CD200: variants seen among roughly 807,000 people sequenced by gnomAD.
The protein encoded by CD200 is OX-2 membrane glycoprotein.
A neutral mutation model predicts 30.9 loss-of-function variants in CD200; 15 were observed. The observed-to-expected ratio is 0.49, with a 90% CI of 0.32 to 0.75. The LOEUF is 0.75. Ranked by LOEUF, CD200 falls within the 30% of genes least tolerant of loss-of-function variation. CD200 has a pLI of 0.03. For missense variants in CD200, 262 were observed against 324.2 expected (o/e 0.81, Z 1.47); for synonymous variants, 134 against 126.2 (o/e 1.06, Z -0.41).
upstream of CD200, chr3:112,333,135 C>G: frequency 6.5e-7 from 1 of 1,540,538 alleles, no homozygotes. Flanking sequence ...GCACAGGTGA[C>G]GCTCCTCCCG....
chr3:112,348,588 A>G (rs1394770753), intron 4 of CD200, among the ~76,000 whole-genome samples: 1 of 152,200 alleles, frequency 6.6e-6, no homozygotes, highest in Non-Finnish European at 1.5e-5. Context: ...TGTAGTTTTG[A>G]AGCACTGACT....
rs2081050058 is a variant in CD200, at chr3:112,333,719, T to G, written c.12+495T>G. On this transcript the variant is annotated intron_variant, in intron 1 of 5. Coordinates refer to ENST00000315711, the MANE Select transcript of CD200 (RefSeq NM_005944.7). The stretch of plus-strand genomic sequence containing the variant: ...CTTTCTCCGGGAGAGCTCCTGCGTC[T>G]CCTCTTTGTTATGCAGCCCCTTTCT... 3.0e-6 allele frequency: 3 copies of G among 985,308 alleles called. No homozygotes were observed. The South Asian group carries it at 1.4e-4, about 46-fold the overall frequency. 61.0% of individuals were successfully genotyped at this position (985,308 alleles called of 1,614,324 possible).
At position 112,349,714 on chromosome 3, in the gene CD200, T is replaced by C; in HGVS notation, c.697T>C (p.Tyr233His). 2 of 1,611,894 alleles carry C rather than the reference T, an allele frequency of 1.2e-6. No individual in the cohort carries two copies. Among genetic ancestry groups the C allele is most frequent in the Non-Finnish European group, 1.7e-6 (2 of 1,178,928 alleles). Reference sequence around the variant, plus strand: ...TTTTCTTTCTTCAATATCTATAGGCTATTGGTTTTCAGTTCCGCTATTGCT... The same window carrying C: ...TTTTCTTTCTTCAATATCTATAGGCCATTGGTTTTCAGTTCCGCTATTGCT... ...TDFKQTVNKG[Y>H]WFSVPLLLSI... Residue 233 changes from tyrosine (Y) to histidine (H), a missense_variant and splice_region_variant, in exon 5 of 6, where the codon TAT becomes CAT. Coordinates refer to ENST00000315711, the MANE Select transcript of CD200 (RefSeq NM_005944.7).
intron 5 of CD200, among the ~76,000 whole-genome samples, chr3:112,353,357 T>A (rs953848007): frequency 6.6e-6 from 1 of 152,154 alleles, no homozygotes; most frequent in Non-Finnish European, 1.5e-5. Context: ...TGGAGAACAA[T>A]AGAAAATTTA....
At chr3:112,360,636 G>A (rs1192640785) in intron 5 of CD200, among the ~76,000 whole-genome samples, 1 of 152,192 alleles carries the variant, frequency 6.6e-6, no homozygotes, top group African/African-American at 2.4e-5. Context: ...GATATCTGAT[G>A]TTAGAAATAT....
chr3:112,357,738 G>A (rs2081654399), intron 5 of CD200, among the ~76,000 whole-genome samples: 3 of 152,058 alleles, frequency 2.0e-5, no homozygotes, highest in South Asian at 2.1e-4. Context: ...GTCATCAATA[G>A]GTTCTTGGAA....
chr3:112,343,819 T>C (rs2081323770), intron 2 of CD200, among the ~76,000 whole-genome samples: 1 of 152,206 alleles, frequency 6.6e-6, no homozygotes, highest in South Asian at 2.1e-4. Context: ...TTTTGAAAAA[T>C]ACTTTTTCCC....
At chr3:112,346,588 C>G (rs1414747455) in intron 3 of CD200, among the ~76,000 whole-genome samples, 1 of 152,136 alleles carries the variant, frequency 6.6e-6, no homozygotes, top group Non-Finnish European at 1.5e-5. Flanking sequence ...ATTTCTATTT[C>G]CCTTCTTCCA....
chr3:112,336,585 C>G (rs1364310801), intron 1 of CD200, among the ~76,000 whole-genome samples: 1 of 150,044 alleles, frequency 6.7e-6, no homozygotes, highest in Non-Finnish European at 1.5e-5. Context: ...TGATCCTGAC[C>G]CTAAAGCAAG....
chr3:112,355,465 T>C (rs1280821310), intron 5 of CD200, among the ~76,000 whole-genome samples: 2 of 152,206 alleles, frequency 1.3e-5, no homozygotes, highest in African/African-American at 4.8e-5. Flanking sequence ...GAGGAAGCAA[T>C]TCTGACTTCC....
At chr3:112,342,409 CTTTCTTTCTTTCTTTCT>C (rs2081285844) in intron 2 of CD200, among the ~76,000 whole-genome samples, 1 of 62,248 alleles carries the variant, frequency 1.6e-5, no homozygotes. Context: ...TTCTTTCTTT[CTTTCTTTCTTTCTTTCT>C]TTCTTCTCTC....
chr3:112,353,811 T>C (rs1485368556), intron 5 of CD200, among the ~76,000 whole-genome samples: 2 of 152,146 alleles, frequency 1.3e-5, no homozygotes, highest in Non-Finnish European at 2.9e-5. Flanking sequence ...TTTGCTTTGC[T>C]CAAAAAGTAC....
intron 5 of CD200, among the ~76,000 whole-genome samples, chr3:112,351,335 G>C (rs2081527502): frequency 6.6e-6 from 1 of 152,172 alleles, no homozygotes; most frequent in Non-Finnish European, 1.5e-5. Context: ...TTTGGAAAGT[G>C]CAAGCAGACA....
At chr3:112,338,307 A>G (rs2081164573) in intron 1 of CD200, among the ~76,000 whole-genome samples, 4 of 152,220 alleles carry the variant, frequency 2.6e-5, no homozygotes, top group Admixed American at 2.6e-4. Flanking sequence ...TGCCTGGGAG[A>G]TAAAAGTACA....
chr3:112,334,177 G>A (rs1224943140), intron 1 of CD200: 4 of 985,178 alleles, frequency 4.1e-6, no homozygotes, highest in Admixed American at 6.1e-5. Context: ...CACATAAACA[G>A]GCGGAAAGGC....
chr3:112,334,269 G>A (rs2081063233), intron 1 of CD200: 2 of 985,188 alleles, frequency 2.0e-6, no homozygotes, highest in South Asian at 4.7e-5. Flanking sequence ...GGCATGAATA[G>A]GGGCAATATA....
rs118005027 is a variant in CD200, at chr3:112,345,401, A to G, written c.421+113A>G. 1.1e-3 allele frequency: 858 copies of G among 792,518 alleles called. 10 individuals are homozygous for G. In the East Asian group the frequency reaches 0.016, roughly 15 times the overall value. The allele number at this position is 792,518 out of a possible 1,614,324, so 49.1% of individuals were successfully genotyped here. A position where few individuals can be genotyped will look rare whatever the true frequency, so the allele number is the denominator to read the frequency against. The stretch of plus-strand genomic sequence containing the variant: ...GATTTTAACCACAGAAAGGGTCATG[A>G]GAAGATAGCCTTTCTTGTCTACTAT... On this transcript the variant is annotated intron_variant, in intron 3 of 5. Transcript: ENST00000315711.
At chr3:112,340,763 T>C in intron 1 of CD200, 139 bp from the exon 2 acceptor site, 2 of 626,612 alleles carry the variant, frequency 3.2e-6, no homozygotes, top group Non-Finnish European at 5.7e-6. Context: ...TAACCTCTAG[T>C]TCTGCTCCCA....
At chr3:112,341,026 A>G (rs762083866) in intron 2 of CD200, 43 bp downstream of exon 2, 2 of 1,238,686 alleles carry the variant, frequency 1.6e-6, no homozygotes, top group Non-Finnish European at 2.4e-6. Context: ...AGCAAACACA[A>G]TTTCTGGGGT....
Sources: gnomAD v4.1 joint callset for allele counts (sites outside exome capture counted in the v4.1 genomes callset) on GRCh38, gnomAD v4.1.1 for gene constraint, MANE v1.5 for transcripts, NCBI Gene and HGNC (gene_info 2026-07-23, HGNC 2026-07-21) for gene names.